PPP1R14A: variants seen among roughly 807,000 people sequenced by gnomAD.
PPP1R14A encodes protein phosphatase 1 regulatory inhibitor subunit 14A, also known as protein phosphatase 1 regulatory subunit 14A.
Under a neutral mutation model 14.1 loss-of-function variants are expected in PPP1R14A, and 9 were observed. That is an observed-to-expected ratio of 0.64 (90% CI 0.38 to 1.11). The LOEUF is 1.11. Ranked by LOEUF, PPP1R14A falls within the 50% of genes most tolerant of loss-of-function variation. The pLI is 0.01. For missense variants in PPP1R14A, 208 were observed against 200.7 expected, an observed-to-expected ratio of 1.04 and a Z score of -0.22; for synonymous variants, 93 against 88.7, an observed-to-expected ratio of 1.05 and a Z score of -0.27.
In PPP1R14A at chr19:38,252,838, T is replaced by C. The variant is rs890020707; in HGVS notation, c.282+56A>G. The C allele has an allele frequency of 6.5e-6, 8 of 1,237,342 alleles. No individual in the cohort carries two copies. In the African/African-American group the frequency reaches 1.2e-4, roughly 18 times the overall value. 76.6% of individuals were successfully genotyped at this position (1,237,342 alleles called of 1,614,324 possible). A position where few individuals can be genotyped will look rare whatever the true frequency, so the allele number is the denominator to read the frequency against. On this transcript the variant is annotated intron_variant, in intron 2 of 3. Coordinates refer to ENST00000301242, the MANE Select transcript of PPP1R14A (RefSeq NM_033256.3). The surrounding 1 kb of genome is among the most constrained non-coding windows in gnomAD (Gnocchi z 4.1). The stretch of plus-strand genomic sequence containing the variant: ...ACTCAGTAAACACGTGAACTATTGC[T>C]ATTATTTTTAGGGAGGTGCAAAGTG...
In PPP1R14A at chr19:38,252,959, C is replaced by G. The variant is rs576186615; in HGVS notation, c.217G>C (p.Asp73His). 6.2e-7 allele frequency: 1 copy of G among 1,613,838 alleles called. No individual in the cohort carries two copies. Among genetic ancestry groups the G allele is most frequent in the Non-Finnish European group, 8.5e-7 (1 of 1,179,794 alleles). ...LYRGMEADMPDEINIDELLEL... is the reference protein window; with the variant it reads ...LYRGMEADMPHEINIDELLEL... ...AACAATTCATCAATGTTGATCTCAT[C>G]GGGCATGTCTGCCTCCTAGGGCCAG... is the stretch of plus-strand genomic sequence containing the variant. Residue 73 changes from aspartate (D) to histidine (H), a missense_variant, in exon 2 of 4, where the codon GAT (aspartate) becomes CAT (histidine). By Grantham distance (81) the Asp-to-His change is moderately conservative. Coordinates refer to ENST00000301242, the MANE Select transcript of PPP1R14A (RefSeq NM_033256.3). The surrounding 1 kb of genome is among the most constrained non-coding windows in gnomAD (Gnocchi z 4.1).
intron 1 of PPP1R14A, among the ~76,000 whole-genome samples, chr19:38,253,514 C>T (rs371482619): frequency 6.6e-6 from 1 of 152,100 alleles, no homozygotes; most frequent in African/African-American, 2.4e-5. Context: ...GGAGGACCAC[C>T]GAGGCCCCTC....
chr19:38,251,778 G>A, intron 3 of PPP1R14A: 1 of 397,674 alleles, frequency 2.5e-6, no homozygotes. Flanking sequence ...GACAGAGAAA[G>A]AAACAGAGAC....
chr19:38,252,171 G>T lies in PPP1R14A; in HGVS notation c.315+135C>A. 1 of 761,108 alleles carries T rather than the reference G, an allele frequency of 1.3e-6. No individual in the cohort carries two copies. Among genetic ancestry groups the T allele is most frequent in the Non-Finnish European group, 2.2e-6 (1 of 447,090 alleles). The allele number at this position is 761,108 out of a possible 1,614,324, so 47.1% of individuals were successfully genotyped here. A position where few individuals can be genotyped will look rare whatever the true frequency, so the allele number is the denominator to read the frequency against. On this transcript the variant is annotated intron_variant, in intron 3 of 3. Coordinates refer to ENST00000301242, the MANE Select transcript of PPP1R14A (RefSeq NM_033256.3). This position sits in a 1 kb window ranked among gnomAD's most constrained non-coding sequence, Gnocchi z 4.1. The stretch of plus-strand genomic sequence containing the variant: ...ACACCCCTGGAGACCAGAAAGAGCT[G>T]CGGAGGGCAGGTTGGGGCCGGGGGT...
intron 1 of PPP1R14A, among the ~76,000 whole-genome samples, chr19:38,253,989 C>G (rs1464129307): frequency 6.6e-6 from 1 of 152,186 alleles, no homozygotes; most frequent in Non-Finnish European, 1.5e-5. Context: ...TGGGGCCCAC[C>G]ACCTGAGAAT....
chr19:38,251,550 T>C, intron 3 of PPP1R14A, 104 bp from the exon 4 acceptor site: 1 of 882,710 alleles, frequency 1.1e-6, no homozygotes, highest in Non-Finnish European at 1.6e-6. Flanking sequence ...TGTTCTCTGA[T>C]TGTGGGGTGG....
At chr19:38,253,037 G>A (rs1968207765) in intron 1 of PPP1R14A, 63 bp from the exon 2 acceptor site, 2 of 1,360,536 alleles carry the variant, frequency 1.5e-6, no homozygotes, top group Non-Finnish European at 2.1e-6. Context: ...CTTTGTCCAG[G>A]GCTCTGCAGG....
Position 38,252,464 on chromosome 19 carries a change from GC to G in PPP1R14A, c.283-127del. On this transcript the variant is annotated intron_variant, in intron 2 of 3. Transcript: ENST00000301242. The surrounding 1 kb of genome is among the most constrained non-coding windows in gnomAD (Gnocchi z 4.1). Reference sequence around the variant, plus strand: ...TGGAAGTCAGACTCCAGGGTGGACTGCCCACCAAGCTTCAAGAGAGGAACAG... The same window carrying G: ...TGGAAGTCAGACTCCAGGGTGGACTGCCACCAAGCTTCAAGAGAGGAACAG... 1.1e-6 allele frequency: 1 copy of G among 929,644 alleles called. No individual in the cohort carries two copies. The highest frequency in any genetic ancestry group is 1.7e-6 in the Non-Finnish European group (1 of 595,906). 57.6% of individuals were successfully genotyped at this position (929,644 alleles called of 1,614,324 possible).
chr19:38,251,691 A>G (rs1262007167), intron 3 of PPP1R14A, among the ~76,000 whole-genome samples: 1 of 151,974 alleles, frequency 6.6e-6, no homozygotes, highest in Admixed American at 6.6e-5. Flanking sequence ...AAGGAGACAG[A>G]TACGGAGTGG....
Position 38,256,373 on chromosome 19 carries a change from G to T in PPP1R14A, c.-34C>A. 1 of 1,387,374 alleles carries T rather than the reference G, an allele frequency of 7.2e-7. No individual in the cohort carries two copies. Among genetic ancestry groups the T allele is most frequent in the Non-Finnish European group, 9.3e-7 (1 of 1,077,896 alleles). 85.9% of individuals were successfully genotyped at this position (1,387,374 alleles called of 1,614,324 possible). On this transcript the variant is annotated 5_prime_UTR_variant, in exon 1 of 4. Coordinates refer to ENST00000301242, the MANE Select transcript of PPP1R14A (RefSeq NM_033256.3). The surrounding 1 kb of genome is among the most constrained non-coding windows in gnomAD (Gnocchi z 5.7). ...TGGACCCAGCCTGGCCCCGCGCTGT[G>T]CGCCTTCGCCTCGCGCCCCGGGTGC...
Position 38,256,314 on chromosome 19 carries a change from C to G in PPP1R14A, c.26G>C (p.Arg9Pro). ...TGGAGACTGCAGCTTGCTCAGCACG[C>G]GCTTGCCCAGCCGCTGAGCTGCCAT... MAAQRLGK[R>P]VLSKLQSPSR... The change falls in exon 1 of 4, where the codon CGC becomes CCC. Residue 9 changes from arginine to proline, a missense_variant. Coordinates refer to ENST00000301242, the MANE Select transcript of PPP1R14A (RefSeq NM_033256.3). The surrounding 1 kb of genome is among the most constrained non-coding windows in gnomAD (Gnocchi z 5.7). The G allele has an allele frequency of 6.6e-7, 1 of 1,512,668 alleles. No homozygotes were observed. The highest frequency in any genetic ancestry group is 8.8e-7 in the Non-Finnish European group (1 of 1,135,866). The allele number at this position is 1,512,668 out of a possible 1,614,324, so 93.7% of individuals were successfully genotyped here.
rs1200349430 is a variant in PPP1R14A, at chr19:38,256,315, G to T, written c.25C>A (p.Arg9Ser). 7 of 1,511,802 alleles carry T rather than the reference G, an allele frequency of 4.6e-6. No homozygotes were observed. In the East Asian group the frequency reaches 1.5e-4, roughly 33 times the overall value. 93.6% of individuals were successfully genotyped at this position (1,511,802 alleles called of 1,614,324 possible). MAAQRLGK[R>S]VLSKLQSPSR... ...GGAGACTGCAGCTTGCTCAGCACGC[G>T]CTTGCCCAGCCGCTGAGCTGCCATC... is the stretch of plus-strand genomic sequence containing the variant. The change falls in exon 1 of 4, where the codon CGC (arginine) becomes AGC (serine). Residue 9 changes from arginine to serine, a missense_variant. Coordinates refer to ENST00000301242, the MANE Select transcript of PPP1R14A (RefSeq NM_033256.3). The surrounding 1 kb of genome is among the most constrained non-coding windows in gnomAD (Gnocchi z 5.7).
chr19:38,252,412 C>T lies in PPP1R14A; in HGVS notation c.283-74G>A. On this transcript the variant is annotated intron_variant, in intron 2 of 3. Coordinates refer to ENST00000301242, the MANE Select transcript of PPP1R14A (RefSeq NM_033256.3). This position sits in a 1 kb window ranked among gnomAD's most constrained non-coding sequence, Gnocchi z 4.1. The stretch of plus-strand genomic sequence containing the variant: ...TACTCCCCTCCAGCCCCTTCCCTTT[C>T]CCAAAAGGCCCCAGCAGCAAGACAA... The T allele has an allele frequency of 1.4e-6, 2 of 1,419,674 alleles. No homozygotes were observed. The highest frequency in any genetic ancestry group is 2.0e-6 in the Non-Finnish European group (2 of 1,020,250). The allele number at this position is 1,419,674 out of a possible 1,614,324, so 87.9% of individuals were successfully genotyped here.
rs948816264 is a variant in PPP1R14A at position 38,252,076 on chromosome 19, G to T, written c.315+230C>A. Reference sequence around the variant, plus strand: ...AGGAGAGGCAAAAACAGGGCAGATGGGGGAGGACAGAATGGAGCCCCCTCA... The same window carrying T: ...AGGAGAGGCAAAAACAGGGCAGATGTGGGAGGACAGAATGGAGCCCCCTCA... On this transcript the variant is annotated intron_variant, in intron 3 of 3. Coordinates refer to ENST00000301242, the MANE Select transcript of PPP1R14A (RefSeq NM_033256.3). The surrounding 1 kb of genome is among the most constrained non-coding windows in gnomAD (Gnocchi z 4.1). 2.4e-5 allele frequency: 14 copies of T among 589,960 alleles called. No homozygotes were observed. Among genetic ancestry groups the T allele is most frequent in the Admixed American group, 1.8e-4 (6 of 33,594 alleles). 36.5% of individuals were successfully genotyped at this position (589,960 alleles called of 1,614,324 possible).
Position 38,256,226 on chromosome 19 carries a change from G to T in PPP1R14A, c.114C>A (p.Thr38=). ...GGLQKRHARV[T]VKYDRRELQR... is the part of the protein sequence containing the mutation. ...GCAGCTCCCGCCGGTCATACTTGAC[G>T]GTGACGCGCGCGTGCCGCTTCTGCA... is the stretch of plus-strand genomic sequence containing the variant. The change falls in exon 1 of 4, where the codon ACC becomes ACA. Residue 38 remains threonine, a synonymous_variant. Transcript: ENST00000301242. This position sits in a 1 kb window ranked among gnomAD's most constrained non-coding sequence, Gnocchi z 5.7. 2 of 1,553,848 alleles carry T rather than the reference G, an allele frequency of 1.3e-6. No individual in the cohort carries two copies.
Position 38,256,200 on chromosome 19 carries a change from T to G in PPP1R14A, c.140A>C (p.Gln47Pro). Residue 47 changes from glutamine to proline, a missense_variant, in exon 1 of 4, where the codon CAG becomes CCG. Transcript: ENST00000301242. The surrounding 1 kb of genome is among the most constrained non-coding windows in gnomAD (Gnocchi z 5.7). ...CCACTTCTCCACGTCCAGCCGCCGC[T>G]GCAGCTCCCGCCGGTCATACTTGAC... ...VTVKYDRREL[Q>P]RRLDVEKWID... is the part of the protein sequence containing the mutation. 3 of 1,550,318 alleles carry G rather than the reference T, an allele frequency of 1.9e-6. No individual in the cohort carries two copies. The highest frequency in any genetic ancestry group is 2.6e-6 in the Non-Finnish European group (3 of 1,151,662).
intron 1 of PPP1R14A, among the ~76,000 whole-genome samples, chr19:38,255,923 A>G (rs1293857612): frequency 6.7e-6 from 1 of 149,940 alleles, no homozygotes; most frequent in Non-Finnish European, 1.5e-5. Context: ...CTGGAGACCC[A>G]AGTCTTTGTG....
intron 1 of PPP1R14A, 149 bp from the exon 2 acceptor site, chr19:38,253,123 C>A: frequency 1.6e-6 from 1 of 622,220 alleles, no homozygotes; most frequent in Non-Finnish European, 2.9e-6. Context: ...ACTGCCAAGA[C>A]GGGACATCTG....
At position 38,252,921 on chromosome 19, in the gene PPP1R14A, A is replaced by G. The variant is rs764862275; in HGVS notation, c.255T>C (p.Ser85=). Reference sequence around the variant, plus strand: ...GGATTTTCCGGCTTCTCTCCTCTTCACTCTCTAACTCCAACAATTCATCAA... The same window carrying G: ...GGATTTTCCGGCTTCTCTCCTCTTCGCTCTCTAACTCCAACAATTCATCAA... ...INIDELLELE[S]EEERSRKIQG... is the part of the protein sequence containing the mutation. The change falls in exon 2 of 4, where the codon AGT becomes AGC. Residue 85 remains serine (S), a synonymous_variant. Transcript: ENST00000301242. This position sits in a 1 kb window ranked among gnomAD's most constrained non-coding sequence, Gnocchi z 4.1. The G allele has an allele frequency of 1.6e-5, 25 of 1,612,812 alleles. No homozygotes were observed. Among genetic ancestry groups the G allele is most frequent in the African/African-American group, 4.0e-5 (3 of 74,488 alleles).
Sources: gnomAD v4.1 joint callset for allele counts (sites outside exome capture counted in the v4.1 genomes callset) on GRCh38, gnomAD v4.1.1 for gene constraint, Gnocchi (gnomAD v3.1) non-coding constraint, MANE v1.5 for transcripts, NCBI Gene and HGNC (gene_info 2026-07-23, HGNC 2026-07-21) for gene names.